The following LRP10 variants were observed in gnomAD, a reference collection of about 807,000 sequenced individuals.
LRP10 encodes the protein LDL receptor related protein 10, also known as low-density lipoprotein receptor-related protein 10.
A neutral mutation model predicts 58.5 loss-of-function variants in LRP10; 42 were observed. The observed-to-expected ratio is 0.72, with a 90% CI of 0.56 to 0.93. The LOEUF (loss-of-function observed/expected upper bound fraction) is 0.93. Ranked by LOEUF, LRP10 falls within the 40% of genes least tolerant of loss-of-function variation. The pLI is 0.00. For synonymous variants in LRP10, 377 were observed against 388.5 expected (o/e 0.97, Z 0.35); for missense variants, 872 against 940.1 (o/e 0.93, Z 0.95).
Position 22,876,069 on chromosome 14 carries a change from G to T in LRP10, c.1121G>T (p.Cys374Phe). The T allele has an allele frequency of 6.2e-7, 1 of 1,613,696 alleles. No individual in the cohort carries two copies. The highest frequency in any genetic ancestry group is 8.5e-7 in the Non-Finnish European group (1 of 1,179,922). Residue 374 changes from cysteine to phenylalanine, a missense_variant, in exon 5 of 7, where the codon TGC becomes TTC. Transcript: ENST00000359591. ...GCTGGCACCTCTGGTGCCACAGCCT[G>T]CTACCTGCCTGCTGACCGCTGCAAC... is the stretch of plus-strand genomic sequence containing the variant. ...GAAGTSGATA[C>F]YLPADRCNYQ...
In LRP10 at chr14:22,875,295, G is replaced by T. The variant is rs759327828; in HGVS notation, c.406+50G>T. 3 of 1,582,316 alleles carry T rather than the reference G, an allele frequency of 1.9e-6. No individual in the cohort carries two copies. In the South Asian group the frequency reaches 3.5e-5, roughly 18 times the overall value. On this transcript the variant is annotated intron_variant, in intron 4 of 6. Coordinates refer to ENST00000359591, the MANE Select transcript of LRP10 (RefSeq NM_014045.5). ...GAGCAGGCAGTGAAAGCCCCAGGCA[G>T]AAGGGGAGGATCCTGAGGGTTCTGG...
At position 22,876,755 on chromosome 14, in the gene LRP10, G is replaced by A; in HGVS notation, c.1491G>A (p.Gly497=). Residue 497 remains glycine (G), a synonymous_variant, in exon 6 of 7, where the codon GGG becomes GGA. Transcript: ENST00000359591. ...AGCAGCAGGCACCCCCTTCCTACGG[G>A]CAGCTCATTGCCCAGGGTGCCATCC... ...IVQQQAPPSY[G]QLIAQGAIPP... is the part of the protein sequence containing the mutation. 1.2e-6 allele frequency: 2 copies of A among 1,613,778 alleles called. No individual in the cohort carries two copies. Among genetic ancestry groups the A allele is most frequent in the Non-Finnish European group, 8.5e-7 (1 of 1,179,854 alleles).
chr14:22,872,637 A>C (rs1243207761), intron 1 of LRP10, 101 bp from the exon 2 acceptor site: 1 of 1,191,192 alleles, frequency 8.4e-7, no homozygotes, highest in African/African-American at 1.5e-5. Flanking sequence ...CTTCCGATTA[A>C]CTGCCCGGAA....
Position 22,877,801 on chromosome 14 carries a change from G to T in LRP10, c.*274G>T. On this transcript the variant is annotated 3_prime_UTR_variant, in exon 7 of 7. Transcript: ENST00000359591. The surrounding 1 kb of genome is among the most constrained non-coding windows in gnomAD (Gnocchi z 5.1). ...CTGCTCCCCACGCCACCACCATTTGGGTGGCTGTTTTTAAAAAGTAAAGTT... is the reference window on the plus strand; with the variant it reads ...CTGCTCCCCACGCCACCACCATTTGTGTGGCTGTTTTTAAAAAGTAAAGTT... 2.8e-6 allele frequency: 1 copy of T among 359,466 alleles called. No individual in the cohort carries two copies. Among genetic ancestry groups the T allele is most frequent in the Non-Finnish European group, 5.0e-6 (1 of 200,672 alleles). 22.3% of individuals were successfully genotyped at this position (359,466 alleles called of 1,614,324 possible). A position where few individuals can be genotyped will look rare whatever the true frequency, so the allele number is the denominator to read the frequency against.
Position 22,872,351 on chromosome 14 carries a change from C to T in LRP10, c.34+14C>T, listed in dbSNP as rs747661203. Reference sequence around the variant, plus strand: ...TCCTCCTCCTTGGTAAGAACCGAAACGATACCAACCCCCAGCCTTCTGTCA... The same window carrying T: ...TCCTCCTCCTTGGTAAGAACCGAAATGATACCAACCCCCAGCCTTCTGTCA... On this transcript the variant is annotated intron_variant, in intron 1 of 6. Transcript: ENST00000359591. 1.2e-6 allele frequency: 2 copies of T among 1,613,970 alleles called. No individual in the cohort carries two copies. The highest frequency in any genetic ancestry group is 3.3e-5 in the Admixed American group (2 of 60,010).
chr14:22,876,113 G>C lies in LRP10; in HGVS notation c.1165G>C (p.Asp389His). ...DRCNYQTFCA[D>H]GADERRCRHC... The stretch of plus-strand genomic sequence containing the variant: ...CTGCAACTACCAGACTTTCTGTGCT[G>C]ATGGAGCAGATGAGAGACGCTGTCG... Residue 389 changes from aspartate to histidine, a missense_variant, in exon 5 of 7, where the codon GAT (aspartate) becomes CAT (histidine). Transcript: ENST00000359591. 1 of 1,614,210 alleles carries C rather than the reference G, an allele frequency of 6.2e-7. No individual in the cohort carries two copies. The highest frequency in any genetic ancestry group is 8.5e-7 in the Non-Finnish European group (1 of 1,180,050).
rs2039990858 is a variant in LRP10 at position 22,875,352 on chromosome 14, C to A, written c.407-3C>A. 1.2e-6 allele frequency: 2 copies of A among 1,609,220 alleles called. No homozygotes were observed. The highest frequency in any genetic ancestry group is 2.2e-5 in the South Asian group (2 of 90,736). On this transcript the variant is annotated splice_region_variant and splice_polypyrimidine_tract_variant and intron_variant, in intron 4 of 6. Transcript: ENST00000359591. ...ACAGCCCCTCTCCATGGTGCCTCTGCAGATTGGCTGATGTGCCTGCAGGAA... is the reference window on the plus strand; with the variant it reads ...ACAGCCCCTCTCCATGGTGCCTCTGAAGATTGGCTGATGTGCCTGCAGGAA...
intron 1 of LRP10, 135 bp downstream of exon 1, chr14:22,872,472 G>A (rs1173602386): frequency 7.6e-6 from 8 of 1,046,940 alleles, no homozygotes; most frequent in South Asian, 4.3e-5. Context: ...AGCACTGCCG[G>A]CCCCAACCCC....
chr14:22,874,304 A>G (rs1365724775), intron 3 of LRP10, among the ~76,000 whole-genome samples: 2 of 152,198 alleles, frequency 1.3e-5, no homozygotes, highest in Admixed American at 1.3e-4. Flanking sequence ...GGGCAAAGGG[A>G]TCAGAATGCC....
Position 22,879,354 on chromosome 14 carries a change from C to G in LRP10, c.*1827C>G. 1 of 341,458 alleles carries G rather than the reference C, an allele frequency of 2.9e-6. No homozygotes were observed. Among genetic ancestry groups the G allele is most frequent in the Admixed American group, 3.3e-5 (1 of 30,300 alleles). 21.2% of individuals were successfully genotyped at this position (341,458 alleles called of 1,614,324 possible). On this transcript the variant is annotated 3_prime_UTR_variant, in exon 7 of 7. Transcript: ENST00000359591. ...CTCTGGAGAACCTGGTTCTTGCTTA[C>G]TGTTCTCCCTTTGGGCCCTCCTTCC...
At position 22,872,289 on chromosome 14, in the gene LRP10, T is replaced by C; in HGVS notation, c.-15T>C. On this transcript the variant is annotated 5_prime_UTR_variant, in exon 1 of 7. Coordinates refer to ENST00000359591, the MANE Select transcript of LRP10 (RefSeq NM_014045.5). ...GAAGCTCCGGGACCCTTCCGGCACC[T>C]CTGGACAGCCCAGGATGCTGTTGGC... is the stretch of plus-strand genomic sequence containing the variant. 1.9e-6 allele frequency: 3 copies of C among 1,613,902 alleles called. No individual in the cohort carries two copies. In the East Asian group the frequency reaches 6.7e-5, roughly 36 times the overall value.
chr14:22,877,640 T>A lies in LRP10; in HGVS notation c.*113T>A. 3 of 789,738 alleles carry A rather than the reference T, an allele frequency of 3.8e-6. No homozygotes were observed. The highest frequency in any genetic ancestry group is 5.8e-6 in the Non-Finnish European group (3 of 517,230). The allele number at this position is 789,738 out of a possible 1,614,324, so 48.9% of individuals were successfully genotyped here. ...CACCACTTCCTTCCCTGTCCCTGGA[T>A]TTCAGGGACTTGGTGGGCCTCCCGT... On this transcript the variant is annotated 3_prime_UTR_variant, in exon 7 of 7. Transcript: ENST00000359591. This position sits in a 1 kb window ranked among gnomAD's most constrained non-coding sequence, Gnocchi z 5.1.
chr14:22,876,909 C>G (rs919092493), intron 6 of LRP10, 31 bp from the exon 7 acceptor site: 9 of 1,582,092 alleles, frequency 5.7e-6, no homozygotes, highest in East Asian at 4.5e-5. Flanking sequence ...CTTTGGCCCT[C>G]TGACTCTGAG....
In LRP10 at chr14:22,876,779, C is replaced by T. The variant is rs1566493999; in HGVS notation, c.1515C>T (p.Ile505=). The T allele has an allele frequency of 6.2e-7, 1 of 1,613,854 alleles. No individual in the cohort carries two copies. The highest frequency in any genetic ancestry group is 1.3e-5 in the African/African-American group (1 of 74,892). The change falls in exon 6 of 7, where the codon ATC becomes ATT. Residue 505 remains isoleucine (I), a synonymous_variant. Coordinates refer to ENST00000359591, the MANE Select transcript of LRP10 (RefSeq NM_014045.5). ...SYGQLIAQGA[I]PPVEDFPTEN... ...GGCAGCTCATTGCCCAGGGTGCCAT[C>T]CCACCTGTAGAAGACTTTCCTACAG...
chr14:22,876,887 C>G, intron 6 of LRP10, 53 bp from the exon 7 acceptor site: 1 of 1,590,960 alleles, frequency 6.3e-7, no homozygotes, highest in Non-Finnish European at 8.6e-7. Context: ...CCTGTACCCT[C>G]CTTCATTCAG....
At chr14:22,874,243 A>G (rs558728265) in intron 3 of LRP10, among the ~76,000 whole-genome samples, 19 of 152,334 alleles carry the variant, frequency 1.2e-4, no homozygotes, top group Admixed American at 1.2e-3. Context: ...CCATGAATTT[A>G]CCCAGAAAGG....
At position 22,877,134 on chromosome 14, in the gene LRP10, A is replaced by T; in HGVS notation, c.1749A>T (p.Thr583=). 2 of 1,610,814 alleles carry T rather than the reference A, an allele frequency of 1.2e-6. No homozygotes were observed. The highest frequency in any genetic ancestry group is 1.7e-6 in the Non-Finnish European group (2 of 1,178,460). ...ARASEARSQV[T]PSAAPLEALD... ...CCTCTGAGGCCAGATCCCAGGTCAC[A>T]CCTTCTGCTGCTCCCCTTGAGGCCC... is the stretch of plus-strand genomic sequence containing the variant. Residue 583 remains threonine, a synonymous_variant, in exon 7 of 7, where the codon ACA becomes ACT. Coordinates refer to ENST00000359591, the MANE Select transcript of LRP10 (RefSeq NM_014045.5). The surrounding 1 kb of genome is among the most constrained non-coding windows in gnomAD (Gnocchi z 5.1).
chr14:22,877,045 C>T lies in LRP10; in HGVS notation c.1660C>T (p.Arg554Ter), dbSNP rs201213246. The change falls in exon 7 of 7, where the codon CGA (arginine) becomes TGA (stop). Residue 554 changes from arginine (R) to a stop codon, truncating the protein, a stop_gained. Coordinates refer to ENST00000359591, the MANE Select transcript of LRP10 (RefSeq NM_014045.5). LOFTEE classifies it high-confidence loss of function. The surrounding 1 kb of genome is among the most constrained non-coding windows in gnomAD (Gnocchi z 5.1). The part of the protein sequence containing the change: ...ARRRQRGRLM[R>*]RLVRRLRRWG... Reference sequence around the variant, plus strand: ...CCGTCGTCAGCGGGGCCGCTTGATGCGACGCCTGGTACGCCGTCTCCGCCG... The same window carrying T: ...CCGTCGTCAGCGGGGCCGCTTGATGTGACGCCTGGTACGCCGTCTCCGCCG... The T allele has an allele frequency of 2.5e-5, 41 of 1,613,642 alleles. No individual in the cohort carries two copies. The Admixed American group carries it at 4.3e-4, about 17-fold the overall frequency.
Position 22,875,598 on chromosome 14 carries a change from C to G in LRP10, c.650C>G (p.Pro217Arg). The G allele has an allele frequency of 6.2e-7, 1 of 1,614,184 alleles. No individual in the cohort carries two copies. Among genetic ancestry groups the G allele is most frequent in the Non-Finnish European group, 8.5e-7 (1 of 1,180,038 alleles). Reference sequence around the variant, plus strand: ...ACACACCTAGCCTCAGTCTCCCACCCCCAGTCCTGCCATTGGCTGCTGGAC... The same window carrying G: ...ACACACCTAGCCTCAGTCTCCCACCGCCAGTCCTGCCATTGGCTGCTGGAC... ...GYTHLASVSH[P>R]QSCHWLLDPH... Residue 217 changes from proline (P) to arginine (R), a missense_variant, in exon 5 of 7, where the codon CCC becomes CGC. Coordinates refer to ENST00000359591, the MANE Select transcript of LRP10 (RefSeq NM_014045.5).
Sources: gnomAD v4.1 joint callset for allele counts (sites outside exome capture counted in the v4.1 genomes callset) on GRCh38, gnomAD v4.1.1 for gene constraint, Gnocchi (gnomAD v3.1) non-coding constraint, MANE v1.5 for transcripts, NCBI Gene and HGNC (gene_info 2026-07-23, HGNC 2026-07-21) for gene names.